The following ZCWPW2 variants were observed in gnomAD, a reference collection of about 807,000 sequenced individuals.
The protein encoded by ZCWPW2 is zinc finger CW-type and PWWP domain containing 2, also known as zinc finger CW-type PWWP domain protein 2.
A neutral mutation model predicts 46.6 loss-of-function variants in ZCWPW2; 45 were observed. That is an observed-to-expected ratio of 0.96 (90% CI 0.76 to 1.24). The LOEUF is 1.24. ZCWPW2 is among the 50% of genes most tolerant of loss of function. The pLI is 0.00. For synonymous variants in ZCWPW2, 152 were observed against 137.1 expected, an observed-to-expected ratio of 1.11 and a Z score of -0.76; for missense variants, 429 against 403.9, an observed-to-expected ratio of 1.06 and a Z score of -0.53.
intron 9 of ZCWPW2, among the ~76,000 whole-genome samples, chr3:28,521,643 CAGAA>C (rs1249102345): frequency 5.3e-5 from 8 of 152,158 alleles, no homozygotes; most frequent in African/African-American, 1.9e-4. Context: ...ATGTTGAACT[CAGAA>C]AGGCCAAATG....
At chr3:28,486,383 T>G (rs1254118537) in intron 5 of ZCWPW2, among the ~76,000 whole-genome samples, 1 of 152,024 alleles carries the variant, frequency 6.6e-6, no homozygotes, top group Non-Finnish European at 1.5e-5. Flanking sequence ...AAGTAAAAAG[T>G]TTTTACTTTA....
intron 3 of ZCWPW2, among the ~76,000 whole-genome samples, chr3:28,422,644 A>C (rs1016300419): frequency 6.6e-6 from 1 of 152,136 alleles, no homozygotes; most frequent in African/African-American, 2.4e-5. Flanking sequence ...GGTTACTTCC[A>C]AGTTTTGGCA....
chr3:28,437,457 AT>A (rs891683146), intron 4 of ZCWPW2, among the ~76,000 whole-genome samples: 54 of 152,150 alleles, frequency 3.5e-4, no homozygotes, highest in African/African-American at 1.2e-3. Flanking sequence ...TTTAAATTAA[AT>A]TTTTTTTGTT....
At chr3:28,493,119 C>CT (rs1575204880) in intron 6 of ZCWPW2, among the ~76,000 whole-genome samples, 2 of 69,214 alleles carry the variant, frequency 2.9e-5, no homozygotes, top group Non-Finnish European at 6.1e-5. Context: ...TCTGGTTTAT[C>CT]TTTATTTTTT....
chr3:28,402,412 A>C (rs1434179533), intron 2 of ZCWPW2, among the ~76,000 whole-genome samples: 1 of 152,020 alleles, frequency 6.6e-6, no homozygotes, highest in African/African-American at 2.4e-5. Context: ...AATAGCAAGC[A>C]GCAACATGGA....
intron 1 of ZCWPW2, among the ~76,000 whole-genome samples, chr3:28,370,411 A>G (rs1705285483): frequency 6.6e-6 from 1 of 152,234 alleles, no homozygotes; most frequent in Non-Finnish European, 1.5e-5. Context: ...GGAATATTCT[A>G]TGGGAATGAA....
intron 4 of ZCWPW2, among the ~76,000 whole-genome samples, chr3:28,475,612 C>G (rs1342229789): frequency 2.0e-5 from 3 of 152,168 alleles, no homozygotes; most frequent in African/African-American, 7.2e-5. Flanking sequence ...TGTTAATTTT[C>G]TGAAATCATT....
chr3:28,380,570 T>C (rs1182346272), intron 1 of ZCWPW2, among the ~76,000 whole-genome samples: 1 of 152,198 alleles, frequency 6.6e-6, no homozygotes, highest in Non-Finnish European at 1.5e-5. Context: ...GATTTCCATG[T>C]TGAAATTCAA....
chr3:28,484,394 A>G (rs1699525944), intron 5 of ZCWPW2, among the ~76,000 whole-genome samples: 1 of 152,174 alleles, frequency 6.6e-6, no homozygotes, highest in Non-Finnish European at 1.5e-5. Context: ...TTCACCAGTG[A>G]ACCCATCTGG....
chr3:28,471,529 G>A (rs2125797454), intron 4 of ZCWPW2, among the ~76,000 whole-genome samples: 1 of 152,168 alleles, frequency 6.6e-6, no homozygotes, highest in South Asian at 2.1e-4. Context: ...TGCTAAAAAT[G>A]AATTTGATAA....
intron 1 of ZCWPW2, among the ~76,000 whole-genome samples, chr3:28,350,362 A>G (rs761895352): frequency 2.2e-4 from 34 of 152,236 alleles, no homozygotes; most frequent in Non-Finnish European, 3.4e-4. Flanking sequence ...AAGGCAGGGG[A>G]CATCATTTTT....
chr3:28,490,289 A>G (rs759278384), intron 5 of ZCWPW2, among the ~76,000 whole-genome samples: 16 of 152,192 alleles, frequency 1.1e-4, no homozygotes, highest in Admixed American at 2.6e-4. Context: ...AAACAGAACC[A>G]TCATTTGACC....
At chr3:28,400,618 G>A (rs1285138876) in intron 2 of ZCWPW2, among the ~76,000 whole-genome samples, 1 of 152,132 alleles carries the variant, frequency 6.6e-6, no homozygotes, top group Non-Finnish European at 1.5e-5. Flanking sequence ...AAGCTAGAAG[G>A]GACTGGGGCC....
intron 6 of ZCWPW2, among the ~76,000 whole-genome samples, chr3:28,513,311 T>A (rs776537871): frequency 1.3e-5 from 2 of 152,214 alleles, no homozygotes; most frequent in Non-Finnish European, 2.9e-5. Flanking sequence ...CCTAGCTAAG[T>A]CTTCGTGTTA....
chr3:28,503,539 T>A (rs1483142963), intron 6 of ZCWPW2, among the ~76,000 whole-genome samples: 1 of 152,082 alleles, frequency 6.6e-6, no homozygotes, highest in Non-Finnish European at 1.5e-5. Context: ...GTTATTGATA[T>A]AATATAGAAT....
At position 28,371,044 on chromosome 3, in the gene ZCWPW2, A is replaced by G. The variant is rs531617421; in HGVS notation, c.-133-19454A>G. On this transcript the variant is annotated intron_variant, in intron 1 of 9. Coordinates refer to ENST00000383768, the MANE Select transcript of ZCWPW2 (RefSeq NM_001040432.4). ...ACCATGCCCAATAAATTTTTTTTTT[A>G]ACTATAATTAGTTACAGAGTTATGT... 2.3e-4 allele frequency among the ~76,000 whole-genome samples: 35 copies of G among 152,134 alleles called. No homozygotes were observed. The South Asian group carries it at 7.1e-3, about 31-fold the overall frequency.
At chr3:28,429,894 C>A (rs567671367) in intron 3 of ZCWPW2, among the ~76,000 whole-genome samples, 3 of 152,280 alleles carry the variant, frequency 2.0e-5, no homozygotes, top group African/African-American at 7.2e-5. Context: ...AGTTTCAGAA[C>A]CTCCACCTAG....
chr3:28,506,899 A>G (rs1157985895), intron 6 of ZCWPW2, among the ~76,000 whole-genome samples: 2 of 152,130 alleles, frequency 1.3e-5, no homozygotes, highest in Admixed American at 6.6e-5. Flanking sequence ...GCAGAGTTGG[A>G]TATTTTCTGA....
intron 3 of ZCWPW2, among the ~76,000 whole-genome samples, chr3:28,421,881 G>A (rs9858214): frequency 0.011 from 1,019 of 91,066 alleles, 11 homozygotes; most frequent in African/African-American, 0.036. Flanking sequence ...TGTGTGTTTA[G>A]CTTCTTTTCA....
Sources: gnomAD v4.1 joint callset for allele counts (sites outside exome capture counted in the v4.1 genomes callset) on GRCh38, gnomAD v4.1.1 for gene constraint, MANE v1.5 for transcripts, NCBI Gene and HGNC (gene_info 2026-07-23, HGNC 2026-07-21) for gene names.